Variants in RASSF6 observed in about 807,000 individuals in gnomAD.
RASSF6 encodes the protein Ras association domain family member 6, also known as ras association domain-containing protein 6.
A neutral mutation model predicts 44.0 loss-of-function variants in RASSF6; 52 were observed. The ratio of observed to expected loss-of-function variants is 1.18; its 90% confidence interval spans 0.95 to 1.49. RASSF6 has a LOEUF of 1.49. Ranked by LOEUF, RASSF6 falls within the 40% of genes most tolerant of loss-of-function variation. The probability of loss-of-function intolerance (pLI) is 0.00; values close to 1 mark genes in which losing one functional copy is unlikely to be tolerated. For synonymous variants in RASSF6, 162 were observed against 124.6 expected (o/e 1.30, Z -2.00); for missense variants, 464 against 393.3 (o/e 1.18, Z -1.52).
chr4:73,600,522 T>C (rs1725211946), intron 2 of RASSF6, among the ~76,000 whole-genome samples: 3 of 152,200 alleles, frequency 2.0e-5, no homozygotes, highest in African/African-American at 7.2e-5. Flanking sequence ...CTTTATTCAC[T>C]CCTGTGTTCC....
At chr4:73,583,531 T>C (rs1723836163) in intron 6 of RASSF6, among the ~76,000 whole-genome samples, 4 of 152,118 alleles carry the variant, frequency 2.6e-5, no homozygotes. Flanking sequence ...GGCTTCATAG[T>C]ATAAAAACAT....
chr4:73,603,851 T>C (rs542325180), intron 2 of RASSF6, among the ~76,000 whole-genome samples: 16 of 152,116 alleles, frequency 1.1e-4, no homozygotes, highest in African/African-American at 3.4e-4. Flanking sequence ...TACTAAGAGA[T>C]TTTTTTCCTC....
At chr4:73,619,003 A>G (rs1726540151) in intron 1 of RASSF6, among the ~76,000 whole-genome samples, 2 of 152,196 alleles carry the variant, frequency 1.3e-5, no homozygotes, top group South Asian at 4.1e-4. Flanking sequence ...GACAAAATAC[A>G]AGTATTATTC....
At chr4:73,618,021 C>G (rs369104611) in intron 1 of RASSF6, among the ~76,000 whole-genome samples, 1 of 152,050 alleles carries the variant, frequency 6.6e-6, no homozygotes, top group African/African-American at 2.4e-5. Context: ...GTAAAGGATC[C>G]TTCTTATTTT....
At chr4:73,608,147 C>G (rs1377015062) in intron 2 of RASSF6, among the ~76,000 whole-genome samples, 1 of 150,418 alleles carries the variant, frequency 6.6e-6, no homozygotes. Flanking sequence ...ATTCACGCAT[C>G]CAGAAATTGA....
At chr4:73,594,178 T>C (rs1334409234) in intron 3 of RASSF6, among the ~76,000 whole-genome samples, 1 of 152,212 alleles carries the variant, frequency 6.6e-6, no homozygotes, top group African/African-American at 2.4e-5. Flanking sequence ...GGAGACAAAT[T>C]TAACATAAAT....
At chr4:73,615,591 C>T (rs1474617692) in intron 1 of RASSF6, among the ~76,000 whole-genome samples, 1 of 152,180 alleles carries the variant, frequency 6.6e-6, no homozygotes, top group African/African-American at 2.4e-5. Context: ...AGATTATTGA[C>T]TTAGATTGTG....
chr4:73,616,027 TG>T, intron 1 of RASSF6: 1 of 1,183,432 alleles, frequency 8.4e-7, no homozygotes, highest in Non-Finnish European at 1.2e-6. Flanking sequence ...TATCTAAAAG[TG>T]GAAAATTGGG....
rs149644489 is a variant in RASSF6, at chr4:73,605,946, T to C, written c.65+5785A>G. On this transcript the variant is annotated intron_variant, in intron 2 of 10. Transcript: ENST00000307439. ...AGAAGTGTCTGCCCATGTCTTTTGG[T>C]CACTTATACACTGTTGGTGGGAATG... is the stretch of plus-strand genomic sequence containing the variant. Among the ~76,000 whole-genome samples the C allele has an allele frequency of 4.2e-4, 64 of 152,276 alleles. 2 individuals carry two copies. Among genetic ancestry groups the C allele is most frequent in the African/African-American group, 1.5e-3 (61 of 41,562 alleles).
chr4:73,591,968 C>T (rs1377882541), intron 4 of RASSF6, among the ~76,000 whole-genome samples: 11 of 151,058 alleles, frequency 7.3e-5, no homozygotes, highest in Admixed American at 6.6e-4. Flanking sequence ...GCATGTGTGT[C>T]AAGTGATATA....
rs1228460256 is a variant in RASSF6 at position 73,571,583 on chromosome 4, A to G, written c.*4652T>C. ...TATAATGTTTAATATTTTTTCAGCT[A>G]TGGGACCAGACTTGTAATAAGTAAT... is the stretch of plus-strand genomic sequence containing the variant. On this transcript the variant is annotated 3_prime_UTR_variant, in exon 11 of 11. Transcript: ENST00000307439. The G allele has an allele frequency of 2.0e-5, 3 of 152,010 alleles. No individual in the cohort carries two copies. Among genetic ancestry groups the G allele is most frequent in the Admixed American group, 6.5e-5 (1 of 15,268 alleles). The allele number at this position is 152,010 out of a possible 1,614,324, so 9.4% of individuals were successfully genotyped here.
intron 2 of RASSF6, among the ~76,000 whole-genome samples, chr4:73,600,563 A>G (rs1258064989): frequency 6.6e-6 from 1 of 152,210 alleles, no homozygotes; most frequent in African/African-American, 2.4e-5. Flanking sequence ...TGCTCACAGT[A>G]GGCTCTTCTT....
At chr4:73,576,573 AG>A (rs1723242142) in intron 9 of RASSF6, 39 bp downstream of exon 9, 2 of 1,567,800 alleles carry the variant, frequency 1.3e-6, no homozygotes, top group Non-Finnish European at 1.7e-6. Context: ...CTGAGTCAGG[AG>A]GGAAGCAAAA....
In RASSF6 at chr4:73,617,288, T is replaced by C. The variant is rs554545255; in HGVS notation, c.-35+3000A>G. Among the ~76,000 whole-genome samples, 8 of 152,356 alleles carry C rather than the reference T, an allele frequency of 5.3e-5. No homozygotes were observed. The South Asian group carries it at 1.4e-3, about 28-fold the overall frequency. ...GCCAAAACTTTACTGTTCTATTGCA[T>C]ATTTACATGGTACTAATGCCATGCA... On this transcript the variant is annotated intron_variant, in intron 1 of 10. Transcript: ENST00000307439.
Position 73,585,247 on chromosome 4 carries a change from A to C in RASSF6, c.500T>G (p.Leu167Arg), listed in dbSNP as rs755878095. The C allele has an allele frequency of 1.6e-5, 26 of 1,612,790 alleles. No individual in the cohort carries two copies. Among genetic ancestry groups the C allele is most frequent in the Middle Eastern group, 1.6e-4 (1 of 6,074 alleles). Residue 167 changes from leucine (L) to arginine (R), a missense_variant, in exon 6 of 11, where the codon CTG becomes CGG. Physicochemically the swap from Leu to Arg is moderately radical, Grantham distance 102. Transcript: ENST00000307439. Reference protein sequence around the residue: ...AALVRKRMKPLMMDRKERQKN... With the variant: ...AALVRKRMKPRMMDRKERQKN... ...CTGTCTTTCTTTTCTGTCCATCATC[A>C]GAGGCTTCATCCTTTTTCTCACCAG...
At chr4:73,586,023 G>A (rs1724062376) in intron 5 of RASSF6, among the ~76,000 whole-genome samples, 1 of 121,004 alleles carries the variant, frequency 8.3e-6, no homozygotes, top group African/African-American at 3.2e-5. Flanking sequence ...GTTCTTTGGA[G>A]CTTTTCCTAA....
chr4:73,596,903 G>T (rs528609218), intron 3 of RASSF6, among the ~76,000 whole-genome samples: 1 of 152,302 alleles, frequency 6.6e-6, no homozygotes, highest in Non-Finnish European at 1.5e-5. Flanking sequence ...ATGGTGCTCG[G>T]ATAACTGGCT....
At chr4:73,601,031 G>T (rs941722343) in intron 2 of RASSF6, among the ~76,000 whole-genome samples, 23 of 152,232 alleles carry the variant, frequency 1.5e-4, no homozygotes, top group African/African-American at 5.5e-4. Flanking sequence ...TGAGCTGTGA[G>T]AGTTGTTATG....
At chr4:73,607,593 T>C (rs1484560552) in intron 2 of RASSF6, among the ~76,000 whole-genome samples, 3 of 152,192 alleles carry the variant, frequency 2.0e-5, no homozygotes, top group Non-Finnish European at 4.4e-5. Context: ...GGCCTTTAGA[T>C]CTATGTGGAT....
Sources: allele counts gnomAD v4.1 joint callset (sites outside exome capture counted in the v4.1 genomes callset), GRCh38; gene constraint gnomAD v4.1.1; transcripts MANE v1.5; gene names NCBI Gene and HGNC (gene_info 2026-07-23, HGNC 2026-07-21).